PIDD1: variants seen among roughly 807,000 people sequenced by gnomAD.
The protein encoded by PIDD1 is p53-induced death domain protein 1, also known as p53-induced death domain-containing protein 1.
PIDD1 carries 72 observed loss-of-function variants against 80.0 expected under a neutral mutation model. The observed-to-expected ratio is 0.90, with a 90% CI of 0.74 to 1.09. The LOEUF (loss-of-function observed/expected upper bound fraction) is 1.09, where lower values mean the gene tolerates loss of function less well. Among genes scored for constraint, PIDD1 ranks in the 50% least tolerant of loss-of-function variants. PIDD1 has a pLI of 0.00. For missense variants in PIDD1, 1,329 were observed against 1,228.3 expected (o/e 1.08, Z -1.23); for synonymous variants, 655 against 543.5 (o/e 1.21, Z -2.85).
Position 802,938 on chromosome 11 carries a change from C to T in PIDD1, c.710-47G>A, listed in dbSNP as rs760964821. 18 of 1,458,376 alleles carry T rather than the reference C, an allele frequency of 1.2e-5. No homozygotes were observed. In the Middle Eastern group the frequency reaches 9.5e-4, roughly 77 times the overall value. The allele number at this position is 1,458,376 out of a possible 1,614,324, so 90.3% of individuals were successfully genotyped here. Reference sequence around the variant, plus strand: ...GGCTTGGCACCAGCCCAGCCCACGGCGCTGGGACACTCCTGCTGCCGCCTC... The same window carrying T: ...GGCTTGGCACCAGCCCAGCCCACGGTGCTGGGACACTCCTGCTGCCGCCTC... On this transcript the variant is annotated intron_variant, in intron 3 of 15. Coordinates refer to ENST00000347755, the MANE Select transcript of PIDD1 (RefSeq NM_145886.4).
Position 799,885 on chromosome 11 carries a change from C to T in PIDD1, c.2404G>A (p.Asp802Asn). ...AGGTGCAGGGCCACGGCTGGCCAGT[C>T]CAGACCCAGACGCCCAGCCACACTC... is the stretch of plus-strand genomic sequence containing the variant. ...LLSVAGRLGL[D>N]WPAVALHLGV... Residue 802 changes from aspartate to asparagine, a missense_variant, in exon 15 of 16, where the codon GAC (aspartate) becomes AAC (asparagine). Coordinates refer to ENST00000347755, the MANE Select transcript of PIDD1 (RefSeq NM_145886.4). The T allele has an allele frequency of 6.2e-7, 1 of 1,611,842 alleles. No individual in the cohort carries two copies. The highest frequency in any genetic ancestry group is 8.5e-7 in the Non-Finnish European group (1 of 1,179,736).
rs774740656 is a variant in PIDD1, at chr11:799,496, C to T, written c.2544G>A (p.Gly848=). The change falls in exon 16 of 16, where the codon GGG becomes GGA. Residue 848 remains glycine, a synonymous_variant. Coordinates refer to ENST00000347755, the MANE Select transcript of PIDD1 (RefSeq NM_145886.4). ...SWAERQAGQP[G]AVGLLVQALE... is the part of the protein sequence containing the mutation. Reference sequence around the variant, plus strand: ...GGGCCTGCACCAGGAGCCCCACAGCCCCTGGCTGCCCAGCCTGGCGCTCAG... The same window carrying T: ...GGGCCTGCACCAGGAGCCCCACAGCTCCTGGCTGCCCAGCCTGGCGCTCAG... 3 of 1,607,700 alleles carry T rather than the reference C, an allele frequency of 1.9e-6. No individual in the cohort carries two copies. The highest frequency in any genetic ancestry group is 3.3e-5 in the Admixed American group (2 of 59,980).
At chr11:802,126 G>A (rs762645736) in intron 6 of PIDD1, 36 bp from the exon 7 acceptor site, 42 of 1,560,624 alleles carry the variant, frequency 2.7e-5, no homozygotes, top group African/African-American at 1.1e-4. Flanking sequence ...CTGGAGCCAT[G>A]CCCGGGCCCG....
rs748110567 is a variant in PIDD1 at position 800,600 on chromosome 11, T to C, written c.1984A>G (p.Met662Val). The C allele has an allele frequency of 1.1e-5, 17 of 1,596,586 alleles. No homozygotes were observed. The highest frequency in any genetic ancestry group is 1.7e-6 in the Non-Finnish European group (2 of 1,173,974). Residue 662 changes from methionine to valine, a missense_variant, in exon 12 of 16, where the codon ATG (methionine) becomes GTG (valine). By Grantham distance (21) the Met-to-Val change is conservative. Coordinates refer to ENST00000347755, the MANE Select transcript of PIDD1 (RefSeq NM_145886.4). ...RGPEPSDTVE[M>V]FEGEEFFAAF... ...GCAAAGAACTCTTCGCCCTCGAACA[T>C]CTCCACCGTGTCAGAGGGCTCGGGG...
chr11:804,723 G>C, intron 1 of PIDD1: 1 of 311,412 alleles, frequency 3.2e-6, no homozygotes, highest in Non-Finnish European at 6.0e-6. Flanking sequence ...GGGGTAGTGA[G>C]GCTTCAGTCC....
chr11:806,644 G>A (rs576578586), upstream of PIDD1, among the ~76,000 whole-genome samples: 592 of 151,414 alleles, frequency 3.9e-3, 1 homozygote, highest in Non-Finnish European at 7.0e-3. Flanking sequence ...GTGCAGTGGC[G>A]TGATCTCGGC....
At chr11:801,388 G>A in intron 8 of PIDD1, 23 bp from the exon 9 acceptor site, 1 of 1,600,078 alleles carries the variant, frequency 6.2e-7, no homozygotes, top group Non-Finnish European at 8.5e-7. Context: ...GGCCCCCTGA[G>A]CACCTGCCTG....
chr11:799,861 G>T lies in PIDD1; in HGVS notation c.2428C>A (p.Leu810Met). 1.2e-6 allele frequency: 2 copies of T among 1,609,872 alleles called. No individual in the cohort carries two copies. The part of the protein sequence containing the change: ...GLDWPAVALH[L>M]GVSYREVQRI... ...TGCACCTCCCGGTAGGACACCCCCA[G>T]GTGCAGGGCCACGGCTGGCCAGTCC... The change falls in exon 15 of 16, where the codon CTG (leucine) becomes ATG (methionine). Residue 810 changes from leucine (L) to methionine (M), a missense_variant. By Grantham distance (15) the Leu-to-Met change is conservative. Coordinates refer to ENST00000347755, the MANE Select transcript of PIDD1 (RefSeq NM_145886.4).
chr11:801,865 G>A (rs761607319), intron 7 of PIDD1, 100 bp downstream of exon 7: 13 of 1,458,724 alleles, frequency 8.9e-6, no homozygotes, highest in Admixed American at 3.8e-5. Context: ...CAGGAGGGAC[G>A]GGGCAGGGTG....
Position 801,338 on chromosome 11 carries a change from G to A in PIDD1, c.1510C>T (p.Gln504Ter), listed in dbSNP as rs761536287. The A allele has an allele frequency of 5.0e-6, 8 of 1,609,056 alleles. No individual in the cohort carries two copies. The highest frequency in any genetic ancestry group is 1.1e-5 in the South Asian group (1 of 90,680). ...GCCTCTGGTTCTCCCAGGAGGGCCT[G>A]CAGCTCTCGGCCAGCCATGCGCACC... ...QVVRMAGREL[Q>*]ALLGEPEAAV... The change falls in exon 9 of 16, where the codon CAG (glutamine) becomes TAG (stop). Residue 504 changes from glutamine to a stop codon, truncating the protein, a stop_gained. Transcript: ENST00000347755. LOFTEE classifies it high-confidence loss of function.
chr11:808,661 A>T (rs1170771412), upstream of PIDD1, among the ~76,000 whole-genome samples: 1 of 152,106 alleles, frequency 6.6e-6, no homozygotes, highest in Non-Finnish European at 1.5e-5. Flanking sequence ...GAGCCACTGC[A>T]CTCCAGGCTG....
upstream of PIDD1, among the ~76,000 whole-genome samples, chr11:807,189 CAAA>C (rs1338815823): frequency 1.1e-4 from 10 of 94,182 alleles, no homozygotes; most frequent in Non-Finnish European, 1.1e-4. Flanking sequence ...GACTCCCTCT[CAAA>C]AAAAAAAAAA....
intron 1 of PIDD1, chr11:804,678 C>G: frequency 2.3e-6 from 1 of 426,496 alleles, no homozygotes; most frequent in Non-Finnish European, 4.2e-6. Flanking sequence ...CGCAGGAGCA[C>G]CGGGCAGGGA....
chr11:800,932 G>A lies in PIDD1; in HGVS notation c.1767-20C>T. On this transcript the variant is annotated intron_variant, in intron 10 of 15. Coordinates refer to ENST00000347755, the MANE Select transcript of PIDD1 (RefSeq NM_145886.4). The stretch of plus-strand genomic sequence containing the variant: ...CAGTACCTGGGAGAGCTGGGGGTGA[G>A]GAGGGCTGTACAGACTGGGGGAGGG... The A allele has an allele frequency of 6.3e-7, 1 of 1,596,224 alleles. No homozygotes were observed. Among genetic ancestry groups the A allele is most frequent in the Non-Finnish European group, 8.5e-7 (1 of 1,172,188 alleles).
At chr11:799,753 G>A (rs1865077469) in intron 15 of PIDD1, 62 bp downstream of exon 15, 1 of 1,408,740 alleles carries the variant, frequency 7.1e-7, no homozygotes, top group East Asian at 2.5e-5. Context: ...AATCAGGTGG[G>A]CCCTCCAGGC....
At position 803,524 on chromosome 11, in the gene PIDD1, C is replaced by A. The variant is rs145691677; in HGVS notation, c.359G>T (p.Gly120Val). ...GGCCAGATGGGCCAGGCCACTCAGA[C>A]CAGCGGGCAGGTTGGTCAGGGCACC... ...LRGALTNLPAGLSGLAHLAHL... is the reference protein window; with the variant it reads ...LRGALTNLPAVLSGLAHLAHL... Residue 120 changes from glycine to valine, a missense_variant, in exon 3 of 16, where the codon GGT becomes GTT. Physicochemically the swap from Gly to Val is moderately radical, Grantham distance 109. Coordinates refer to ENST00000347755, the MANE Select transcript of PIDD1 (RefSeq NM_145886.4). The A allele has an allele frequency of 1.6e-5, 26 of 1,613,190 alleles. No homozygotes were observed. The African/African-American group carries it at 3.3e-4, about 21-fold the overall frequency.
At position 804,101 on chromosome 11, in the gene PIDD1, G is replaced by A. The variant is rs746517440; in HGVS notation, c.288C>T (p.Val96=). The A allele has an allele frequency of 5.0e-6, 8 of 1,608,374 alleles. No homozygotes were observed. Among genetic ancestry groups the A allele is most frequent in the Middle Eastern group, 1.7e-4 (1 of 6,056 alleles). Residue 96 remains valine, a synonymous_variant, in exon 2 of 16, where the codon GTC becomes GTT. Transcript: ENST00000347755. ...AGAACAGGTGGAACTCACCTTTGAG[G>A]ACCAGGGAGCGGAGGCAGGACAGGC... ...PQSLSCLRSL[V]LKGGQRRDTL...
At position 802,576 on chromosome 11, in the gene PIDD1, A is replaced by G. The variant is rs1865451900; in HGVS notation, c.941T>C (p.Met314Thr). The stretch of plus-strand genomic sequence containing the variant: ...ATCTGAGGTCAGGAACAGTCTGGGC[A>G]TTTCTGGAATGAGGGCTGCCACTGT... ...SSPVAALIPEMPRLFLTSDLD... is the reference protein window; with the variant it reads ...SSPVAALIPETPRLFLTSDLD... Residue 314 changes from methionine to threonine, a missense_variant, in exon 5 of 16, where the codon ATG becomes ACG. Physicochemically the swap from Met to Thr is moderately conservative, Grantham distance 81 (BLOSUM62 -1). Transcript: ENST00000347755. 3 of 1,613,258 alleles carry G rather than the reference A, an allele frequency of 1.9e-6. No individual in the cohort carries two copies. The highest frequency in any genetic ancestry group is 2.5e-6 in the Non-Finnish European group (3 of 1,179,752).
At chr11:806,693 C>T (rs1455482737), upstream of PIDD1, among the ~76,000 whole-genome samples, 1 of 152,070 alleles carries the variant, frequency 6.6e-6, no homozygotes, top group East Asian at 1.9e-4. Context: ...CACCGTTCTC[C>T]TGCCTCAGCC....
Sources: gnomAD v4.1 joint callset for allele counts (sites outside exome capture counted in the v4.1 genomes callset) on GRCh38, gnomAD v4.1.1 for gene constraint, MANE v1.5 for transcripts, NCBI Gene and HGNC (gene_info 2026-07-23, HGNC 2026-07-21) for gene names.